The following NINJ1 variants were observed in gnomAD, a reference collection of about 807,000 sequenced individuals.
NINJ1 encodes ninjurin-1.
A neutral mutation model predicts 12.7 loss-of-function variants in NINJ1; 6 were observed. The observed-to-expected ratio is 0.47, with a 90% CI of 0.26 to 0.93. The LOEUF is 0.93. Among genes scored for constraint, NINJ1 ranks in the 40% least tolerant of loss-of-function variants. The pLI, the probability that NINJ1 is intolerant of heterozygous loss-of-function variation, is 0.15. For missense variants in NINJ1, 170 were observed against 213.0 expected, an observed-to-expected ratio of 0.80 and a Z score of 1.26; for synonymous variants, 100 against 96.0, an observed-to-expected ratio of 1.04 and a Z score of -0.25.
At chr9:93,128,544 C>T (rs138881446) in intron 1 of NINJ1, among the ~76,000 whole-genome samples, 52 of 152,364 alleles carry the variant, frequency 3.4e-4, no homozygotes, top group African/African-American at 1.2e-3. Flanking sequence ...TCTGCTCTTG[C>T]GAAGCTGCCC....
chr9:93,126,017 C>T (rs1459304705), intron 2 of NINJ1: 3 of 208,514 alleles, frequency 1.4e-5, no homozygotes, highest in Admixed American at 5.4e-5. Context: ...GGCAACATGG[C>T]GTAACCTCAT....
chr9:93,130,322 A>G (rs962173467), intron 1 of NINJ1, among the ~76,000 whole-genome samples: 1 of 152,158 alleles, frequency 6.6e-6, no homozygotes, highest in African/African-American at 2.4e-5. Flanking sequence ...CACTTCAGTG[A>G]GCATCCTCAG....
At chr9:93,124,237 C>T (rs764652817) in intron 3 of NINJ1, among the ~76,000 whole-genome samples, 26 of 152,170 alleles carry the variant, frequency 1.7e-4, no homozygotes, top group Non-Finnish European at 2.8e-4. Context: ...ATAAGGGGTG[C>T]AGAGCCCCTG....
intron 2 of NINJ1, 35 bp downstream of exon 2, chr9:93,126,375 G>A (rs1827808920): frequency 6.4e-6 from 10 of 1,565,642 alleles, no homozygotes; most frequent in Non-Finnish European, 8.8e-6. Flanking sequence ...AGCAAGGTGA[G>A]CAGGTGGCCT....
At chr9:93,127,354 T>G (rs1393288996) in intron 1 of NINJ1, among the ~76,000 whole-genome samples, 1 of 152,252 alleles carries the variant, frequency 6.6e-6, no homozygotes, top group Non-Finnish European at 1.5e-5. Flanking sequence ...ATGCGAGTTC[T>G]GATGGAATCC....
intron 3 of NINJ1, among the ~76,000 whole-genome samples, chr9:93,124,264 C>T (rs868217508): frequency 1.3e-5 from 2 of 152,116 alleles, no homozygotes; most frequent in African/African-American, 2.4e-5. Flanking sequence ...CAAGAGAAGC[C>T]GGAAATCTTT....
chr9:93,134,045 G>T, intron 1 of NINJ1, 98 bp downstream of exon 1: 2 of 918,010 alleles, frequency 2.2e-6, no homozygotes, highest in Non-Finnish European at 3.2e-6. Context: ...CCAACACTCT[G>T]CAGTGCGGAC....
chr9:93,133,664 C>T (rs1307115305), intron 1 of NINJ1, among the ~76,000 whole-genome samples: 1 of 152,236 alleles, frequency 6.6e-6, no homozygotes, highest in Non-Finnish European at 1.5e-5. Flanking sequence ...GTGTGGTCAG[C>T]GTGGGGTGAC....
intron 2 of NINJ1, chr9:93,126,089 T>G: frequency 6.0e-6 from 2 of 333,710 alleles, no homozygotes; most frequent in Non-Finnish European, 5.5e-6. Context: ...CCCAGTTACT[T>G]TGGGGGCTGA....
rs1127857 is a variant in NINJ1 at position 93,121,583 on chromosome 9, G to T, written c.*657C>A. On this transcript the variant is annotated 3_prime_UTR_variant, in exon 4 of 4. Transcript: ENST00000375446. Reference sequence around the variant, plus strand: ...ACCCCCGTGGAGGGGGTTGGGCTCTGCCCGGTCACTGCTGGTGCAGGGTAT... The same window carrying T: ...ACCCCCGTGGAGGGGGTTGGGCTCTTCCCGGTCACTGCTGGTGCAGGGTAT... The T allele has an allele frequency of 6.6e-6, 1 of 152,408 alleles. No individual in the cohort carries two copies. The highest frequency in any genetic ancestry group is 1.5e-5 in the Non-Finnish European group (1 of 68,174). 9.4% of individuals were successfully genotyped at this position (152,408 alleles called of 1,614,324 possible).
intron 1 of NINJ1, among the ~76,000 whole-genome samples, chr9:93,133,917 C>T (rs1211059416): frequency 6.6e-6 from 1 of 152,182 alleles, no homozygotes; most frequent in African/African-American, 2.4e-5. Context: ...GACGCCAGCC[C>T]GCCCTGCGCC....
chr9:93,129,294 CA>C (rs2130751157), intron 1 of NINJ1, among the ~76,000 whole-genome samples: 1 of 152,340 alleles, frequency 6.6e-6, no homozygotes, highest in Admixed American at 6.5e-5. Context: ...GCTGAACTCT[CA>C]ATGGCTCCCT....
chr9:93,122,273 G>C (rs909940696), intron 3 of NINJ1, 43 bp from the exon 4 acceptor site: 2 of 152,760 alleles, frequency 1.3e-5, no homozygotes, highest in Non-Finnish European at 2.9e-5. Flanking sequence ...TGGAAGGAGG[G>C]AGAGGAGAGG....
At chr9:93,128,616 C>T (rs1827846650) in intron 1 of NINJ1, among the ~76,000 whole-genome samples, 1 of 152,246 alleles carries the variant, frequency 6.6e-6, no homozygotes, top group Non-Finnish European at 1.5e-5. Flanking sequence ...GGCTGCTGGC[C>T]ACAGTGGGCA....
intron 1 of NINJ1, among the ~76,000 whole-genome samples, chr9:93,129,591 A>G (rs756226715): frequency 9.9e-5 from 15 of 152,120 alleles, no homozygotes; most frequent in Non-Finnish European, 2.2e-4. Flanking sequence ...CGTTGGCCTC[A>G]GTCTCCCCCT....
chr9:93,126,198 A>AAAAAC (rs774017855), intron 2 of NINJ1: 16 of 561,764 alleles, frequency 2.8e-5, no homozygotes, highest in African/African-American at 5.8e-5. Flanking sequence ...CCTTGTTTCA[A>AAAAAC]AAAACAAAAC....
chr9:93,125,598 CT>C (rs1298861117), intron 2 of NINJ1: 1 of 154,460 alleles, frequency 6.5e-6, no homozygotes, highest in African/African-American at 2.4e-5. Flanking sequence ...AGGCCAGGCC[CT>C]GACCCCACTC....
chr9:93,125,176 G>C, intron 2 of NINJ1, 114 bp from the exon 3 acceptor site: 1 of 1,026,618 alleles, frequency 9.7e-7, no homozygotes, highest in Non-Finnish European at 1.4e-6. Flanking sequence ...GACATTACAG[G>C]GCTCTCAGTC....
At position 93,126,393 on chromosome 9, in the gene NINJ1, C is replaced by A. The variant is rs1310510096; in HGVS notation, c.304+17G>T. 3 of 1,603,016 alleles carry A rather than the reference C, an allele frequency of 1.9e-6. No homozygotes were observed. The South Asian group carries it at 3.3e-5, about 18-fold the overall frequency. ...AAGGTGAGCAGGTGGCCTGGCTGCC[C>A]CCACCTGGGGACCTACCAAGGAAGA... On this transcript the variant is annotated intron_variant, in intron 2 of 3. Transcript: ENST00000375446.
Sources: gnomAD v4.1 joint callset for allele counts (sites outside exome capture counted in the v4.1 genomes callset) on GRCh38, gnomAD v4.1.1 for gene constraint, MANE v1.5 for transcripts, NCBI Gene and HGNC (gene_info 2026-07-23, HGNC 2026-07-21) for gene names.